PARVG: variants seen among roughly 807,000 people sequenced by gnomAD.
PARVG encodes gamma-parvin.
Under a neutral mutation model 44.4 loss-of-function variants are expected in PARVG, and 36 were observed. The ratio of observed to expected loss-of-function variants is 0.81; its 90% CI spans 0.62 to 1.07. PARVG has a LOEUF of 1.07. PARVG is among the 50% of genes least tolerant of loss of function. The pLI, the probability that PARVG is intolerant of heterozygous loss-of-function variation, is 0.00. For synonymous variants in PARVG, 170 were observed against 174.1 expected (o/e 0.98, Z 0.19); for missense variants, 407 against 407.4 (o/e 1.00, Z 0.01).
upstream of PARVG, among the ~76,000 whole-genome samples, chr22:44,180,116 C>T (rs1019692911): frequency 6.6e-6 from 1 of 152,176 alleles, no homozygotes; most frequent in African/African-American, 2.4e-5. Context: ...GTCATTGATT[C>T]CTCCAGCTGT....
rs2054389379 is a variant in PARVG, at chr22:44,182,074, C to G, written c.-13+157C>G. Among the ~76,000 whole-genome samples, 1 of 152,184 alleles carries G rather than the reference C, an allele frequency of 6.6e-6. No individual in the cohort carries two copies. Among genetic ancestry groups the G allele is most frequent in the African/African-American group, 2.4e-5 (1 of 41,456 alleles). ...GGGACCTTGAGTCCCCACGGCCCCT[C>G]CGGCTGCCCCTGCTCAGAGGCTGCT... On this transcript the variant is annotated intron_variant, in intron 2 of 13. Coordinates refer to ENST00000444313, the MANE Select transcript of PARVG (RefSeq NM_022141.7). The surrounding 1 kb of genome is among the most constrained non-coding windows in gnomAD (Gnocchi z 4.6).
At position 44,192,177 on chromosome 22, in the gene PARVG, G is replaced by T. The variant is rs552148700; in HGVS notation, c.560+73G>T. ...TGGATGGGGGCAGGGTGGGGGCCAG[G>T]GCAGATCTGCCTGACCTTTGTGGGA... On this transcript the variant is annotated intron_variant, in intron 8 of 13. Transcript: ENST00000444313. 6.5e-5 allele frequency: 101 copies of T among 1,544,624 alleles called. No individual in the cohort carries two copies. The African/African-American group carries it at 1.2e-3, about 18-fold the overall frequency.
At position 44,193,836 on chromosome 22, in the gene PARVG, A is replaced by G. The variant is rs541208512; in HGVS notation, c.583+13A>G. On this transcript the variant is annotated intron_variant, in intron 9 of 13. Coordinates refer to ENST00000444313, the MANE Select transcript of PARVG (RefSeq NM_022141.7). ...GACGAGCCTCCAAGTGAGTACTTTC[A>G]TCATTTTTGGAAATCTGTTCCTATC... 1 of 1,614,142 alleles carries G rather than the reference A, an allele frequency of 6.2e-7. No homozygotes were observed. The highest frequency in any genetic ancestry group is 1.7e-5 in the Admixed American group (1 of 60,022).
Position 44,187,811 on chromosome 22 carries a change from C to T in PARVG, c.180C>T (p.Pro60=), listed in dbSNP as rs370622031. ...AGTGGATCAATGCCACTCTTCTCCC[C>T]GAGCACATTGTGGTCCGCAGCCTGG... ...LMEWINATLL[P]EHIVVRSLEE... The change falls in exon 5 of 14, where the codon CCC becomes CCT. Residue 60 remains proline, a synonymous_variant. Coordinates refer to ENST00000444313, the MANE Select transcript of PARVG (RefSeq NM_022141.7). The T allele has an allele frequency of 7.1e-5, 114 of 1,614,116 alleles. No individual in the cohort carries two copies. The highest frequency in any genetic ancestry group is 8.9e-5 in the Non-Finnish European group (105 of 1,180,042).
chr22:44,201,642 C>T (rs1247165591), intron 12 of PARVG, among the ~76,000 whole-genome samples: 1 of 152,214 alleles, frequency 6.6e-6, no homozygotes, highest in African/African-American at 2.4e-5. Context: ...CCAGCCATTG[C>T]CACAAACGTG....
In PARVG at chr22:44,196,166, G is replaced by A. The variant is rs1156936946; in HGVS notation, c.595G>A (p.Asp199Asn). The change falls in exon 10 of 14, where the codon GAT (aspartate) becomes AAT (asparagine). Residue 199 changes from aspartate (D) to asparagine (N), a missense_variant. Physicochemically the swap from Asp to Asn is conservative, Grantham distance 23 (BLOSUM62 1). Transcript: ENST00000444313. ...ATCTGTGTCTGCAGAGGACGTCTTT[G>A]ATGAATTATTTAAGCTGGCTCCGGA... Reference protein sequence around the residue: ...DKDEPPKDVFDELFKLAPEKV... With the variant: ...DKDEPPKDVFNELFKLAPEKV... 10 of 1,614,072 alleles carry A rather than the reference G, an allele frequency of 6.2e-6. No homozygotes were observed. The highest frequency in any genetic ancestry group is 3.3e-5 in the Admixed American group (2 of 60,014).
chr22:44,198,668 C>T lies in PARVG; in HGVS notation c.759C>T (p.Gly253=), dbSNP rs771916639. ...ILLLLIGQLE[G]FFLHLKEFYL... ...TCTTGCTGATTGGACAACTTGAAGG[C>T]TTCTTCCTGCACTTAAAGGAATTCT... Residue 253 remains glycine, a synonymous_variant, in exon 12 of 14, where the codon GGC becomes GGT. Transcript: ENST00000444313. 30 of 1,613,834 alleles carry T rather than the reference C, an allele frequency of 1.9e-5. No homozygotes were observed. The highest frequency in any genetic ancestry group is 3.3e-5 in the Admixed American group (2 of 59,998).
chr22:44,177,891 A>G (rs1341916724), upstream of PARVG, among the ~76,000 whole-genome samples: 1 of 152,210 alleles, frequency 6.6e-6, no homozygotes, highest in African/African-American at 2.4e-5. Flanking sequence ...CTTAGTTAAT[A>G]TAGTGTTTAT....
At chr22:44,176,017 G>A (rs1226730999), upstream of PARVG, among the ~76,000 whole-genome samples, 1 of 152,130 alleles carries the variant, frequency 6.6e-6, no homozygotes, top group Non-Finnish European at 1.5e-5. Flanking sequence ...GTGTGTTTTC[G>A]AAACATCCAC....
chr22:44,179,576 G>A (rs185949371), upstream of PARVG, among the ~76,000 whole-genome samples: 4 of 152,252 alleles, frequency 2.6e-5, no homozygotes, highest in Admixed American at 2.6e-4. This position sits in a 1 kb window ranked among gnomAD's most constrained non-coding sequence, Gnocchi z 4.2. Flanking sequence ...TAGGTACTTC[G>A]TTCTGAGTGA....
chr22:44,181,166 A>G lies in PARVG; in HGVS notation c.-208A>G, dbSNP rs1021981393. 5.1e-6 allele frequency: 2 copies of G among 394,508 alleles called. No individual in the cohort carries two copies. Among genetic ancestry groups the G allele is most frequent in the African/African-American group, 4.4e-5 (2 of 45,866 alleles). 24.4% of individuals were successfully genotyped at this position (394,508 alleles called of 1,614,324 possible). On this transcript the variant is annotated 5_prime_UTR_variant, in exon 1 of 14. Transcript: ENST00000444313. ...TTATTCACTGAGCCCACTTTGTGCC[A>G]AGCATTGTTCTAGACACGGGTATGT...
chr22:44,192,682 A>G (rs2076114759), intron 8 of PARVG, among the ~76,000 whole-genome samples: 2 of 138,840 alleles, frequency 1.4e-5, no homozygotes, highest in African/African-American at 2.8e-5. Context: ...ACTGGGGTTG[A>G]CCATCCTGCT....
chr22:44,185,986 G>A (rs1398254219), intron 4 of PARVG, 114 bp downstream of exon 4: 7 of 940,920 alleles, frequency 7.4e-6, no homozygotes, highest in Admixed American at 2.6e-5. Flanking sequence ...CAGGCTGGGG[G>A]GTGGCGACCC....
At chr22:44,176,699 T>A (rs1337874337), upstream of PARVG, among the ~76,000 whole-genome samples, 1 of 151,960 alleles carries the variant, frequency 6.6e-6, no homozygotes, top group African/African-American at 2.4e-5. Context: ...CGCAGAAAAG[T>A]TGCAGGAATA....
At chr22:44,174,200 C>T (rs185164911) in intron 1 of PARVG, among the ~76,000 whole-genome samples, 28 of 150,654 alleles carry the variant, frequency 1.9e-4, no homozygotes, top group Admixed American at 3.3e-4. Flanking sequence ...AGGAGGGGTG[C>T]GGGTGGGGCA....
intron 4 of PARVG, 83 bp from the exon 5 acceptor site, chr22:44,187,693 C>A: frequency 1.5e-6 from 2 of 1,301,672 alleles, no homozygotes; most frequent in Non-Finnish European, 2.2e-6. Context: ...AGTTGGCAGG[C>A]GAGAGGCAGG....
chr22:44,178,076 C>G (rs1374960939), upstream of PARVG, among the ~76,000 whole-genome samples: 1 of 152,216 alleles, frequency 6.6e-6, no homozygotes, highest in Non-Finnish European at 1.5e-5. Context: ...TCACCTTCCA[C>G]CATGACTGTG....
intron 12 of PARVG, among the ~76,000 whole-genome samples, chr22:44,201,119 C>T (rs1481447373): frequency 6.6e-6 from 1 of 152,196 alleles, no homozygotes; most frequent in Non-Finnish European, 1.5e-5. Flanking sequence ...CCTACCCTGG[C>T]TTTGCTTCCC....
chr22:44,191,845 G>A (rs940023389), intron 7 of PARVG, among the ~76,000 whole-genome samples: 4 of 152,136 alleles, frequency 2.6e-5, no homozygotes, highest in Non-Finnish European at 5.9e-5. Flanking sequence ...CATTGATACT[G>A]CCCTCCTCCC....
Sources: gnomAD v4.1 joint callset for allele counts (sites outside exome capture counted in the v4.1 genomes callset) on GRCh38, gnomAD v4.1.1 for gene constraint, Gnocchi (gnomAD v3.1) non-coding constraint, MANE v1.5 for transcripts, NCBI Gene and HGNC (gene_info 2026-07-23, HGNC 2026-07-21) for gene names.